The following ITGAE variants were observed in gnomAD, a reference collection of about 807,000 sequenced individuals.
ITGAE encodes integrin alpha-E.
Under a neutral mutation model 136.5 loss-of-function variants are expected in ITGAE, and 99 were observed. The ratio of observed to expected loss-of-function variants is 0.73; its 90% CI spans 0.62 to 0.86. The LOEUF (loss-of-function observed/expected upper bound fraction) is 0.86. Among genes scored for constraint, ITGAE ranks in the 40% least tolerant of loss-of-function variants. The probability of loss-of-function intolerance (pLI) is 0.00; values close to 1 mark genes in which losing one functional copy is unlikely to be tolerated. For missense variants in ITGAE, 1,447 were observed against 1,515.3 expected (o/e 0.95, Z 0.75); for synonymous variants, 613 against 591.8 (o/e 1.04, Z -0.52).
intron 21 of ITGAE, 68 bp from the exon 22 acceptor site, chr17:3,732,534 A>C (rs1597311066): frequency 1.1e-4 from 141 of 1,314,964 alleles, no homozygotes; most frequent in Non-Finnish European, 1.4e-4. Flanking sequence ...TGGTTTCCTC[A>C]CAGCAATTCA....
intron 1 of ITGAE, among the ~76,000 whole-genome samples, chr17:3,787,367 C>A (rs879277481): frequency 6.6e-6 from 1 of 152,164 alleles, no homozygotes; most frequent in African/African-American, 2.4e-5. Flanking sequence ...CCACCTCAGC[C>A]TCCCAAAGTG....
intron 19 of ITGAE, among the ~76,000 whole-genome samples, chr17:3,741,402 A>G (rs1422353996): frequency 6.6e-6 from 1 of 151,888 alleles, no homozygotes; most frequent in African/African-American, 2.4e-5. Flanking sequence ...TTGTATTTTT[A>G]ATATAGCCAC....
At chr17:3,720,800 C>T (rs2915560) in intron 28 of ITGAE, among the ~76,000 whole-genome samples, 19,390 of 152,054 alleles carry the variant, frequency 0.13, 4,115 homozygotes, top group African/African-American at 0.44. Context: ...CCAGGCTTGT[C>T]TCGAACTCCT....
chr17:3,727,557 G>C (rs1439101250), intron 26 of ITGAE, among the ~76,000 whole-genome samples: 1 of 151,866 alleles, frequency 6.6e-6, no homozygotes, highest in African/African-American at 2.4e-5. Flanking sequence ...CCGCCACCAC[G>C]CCCGGAGAAT....
At chr17:3,765,991 C>T (rs973084023) in intron 2 of ITGAE, among the ~76,000 whole-genome samples, 18 of 152,146 alleles carry the variant, frequency 1.2e-4, no homozygotes, top group African/African-American at 4.3e-4. Flanking sequence ...AATATGTTGC[C>T]TTTTATGGCA....
rs775857784 is a variant in ITGAE, at chr17:3,801,168, T to C, written c.-24A>G. ...ATCCTTGCTGGAGCAGAGGCGGCTG[T>C]GTGGGAGCCGAGGCGAGTGCGACAC... On this transcript the variant is annotated 5_prime_UTR_variant, in exon 1 of 31. Coordinates refer to ENST00000263087, the MANE Select transcript of ITGAE (RefSeq NM_002208.5). 2 of 1,608,940 alleles carry C rather than the reference T, an allele frequency of 1.2e-6. No individual in the cohort carries two copies. Among genetic ancestry groups the C allele is most frequent in the Non-Finnish European group, 8.5e-7 (1 of 1,179,890 alleles).
intron 26 of ITGAE, chr17:3,724,201 A>T: frequency 6.3e-7 from 1 of 1,593,180 alleles, no homozygotes; most frequent in Non-Finnish European, 8.5e-7. Flanking sequence ...CGAGTGCCCA[A>T]GGACCGGCCC....
intron 1 of ITGAE, among the ~76,000 whole-genome samples, chr17:3,786,577 A>G (rs1246491335): frequency 1.3e-5 from 2 of 152,178 alleles, no homozygotes; most frequent in Non-Finnish European, 2.9e-5. Flanking sequence ...ATTCCAGTAA[A>G]TCAAATCCAG....
At chr17:3,740,470 G>T (rs964511366) in intron 19 of ITGAE, among the ~76,000 whole-genome samples, 2 of 152,142 alleles carry the variant, frequency 1.3e-5, no homozygotes, top group Non-Finnish European at 2.9e-5. Flanking sequence ...TCTGCCTCCC[G>T]GATTCAAGCG....
chr17:3,724,588 C>G (rs780145506), intron 26 of ITGAE: 1 of 1,614,214 alleles, frequency 6.2e-7, no homozygotes, highest in South Asian at 1.1e-5. Context: ...GCATCTCTCC[C>G]CTGCTCCCAG....
At position 3,753,797 on chromosome 17, in the gene ITGAE, G is replaced by A; in HGVS notation, c.1513C>T (p.Leu505=). The change falls in exon 13 of 31, where the codon CTG becomes TTG. Residue 505 remains leucine, a synonymous_variant. Transcript: ENST00000263087. ...CCAGCAGGTACCTGCTCTCCCTCCA[G>A]CACTGGCAGGAAGCTGGCCTCTCTG... is the stretch of plus-strand genomic sequence containing the variant. The part of the protein sequence containing the change: ...EGREASFLPV[L]EGEQMGSYFG... The A allele has an allele frequency of 6.2e-7, 1 of 1,614,202 alleles. No homozygotes were observed. The highest frequency in any genetic ancestry group is 8.5e-7 in the Non-Finnish European group (1 of 1,180,030).
intron 3 of ITGAE, 116 bp downstream of exon 3, chr17:3,763,753 G>C: frequency 2.5e-6 from 2 of 810,062 alleles, no homozygotes; most frequent in Non-Finnish European, 4.3e-6. Context: ...TGGAGTCTAG[G>C]GGTGAACGGG....
At chr17:3,759,188 G>A (rs1054315774) in intron 8 of ITGAE, among the ~76,000 whole-genome samples, 10 of 151,416 alleles carry the variant, frequency 6.6e-5, no homozygotes, top group Non-Finnish European at 1.5e-4. Flanking sequence ...TGTCCACTGA[G>A]CACTCTGCTC....
chr17:3,786,349 G>T (rs181637651), intron 1 of ITGAE, among the ~76,000 whole-genome samples: 8 of 152,044 alleles, frequency 5.3e-5, no homozygotes, highest in African/African-American at 1.9e-4. Context: ...AGATCTCTAC[G>T]CCCAGATAGC....
intron 19 of ITGAE, among the ~76,000 whole-genome samples, chr17:3,740,524 G>A (rs1350423279): frequency 6.6e-6 from 1 of 152,178 alleles, no homozygotes; most frequent in East Asian, 1.9e-4. Flanking sequence ...TTACAGGCAT[G>A]TGCCACCACG....
intron 1 of ITGAE, among the ~76,000 whole-genome samples, chr17:3,788,233 T>A (rs2052846180): frequency 6.6e-6 from 1 of 151,658 alleles, no homozygotes; most frequent in African/African-American, 2.4e-5. Context: ...TGTTCTTAAG[T>A]TTAATGAAGT....
intron 2 of ITGAE, 104 bp downstream of exon 2, chr17:3,777,436 T>C: frequency 1.4e-6 from 2 of 1,415,246 alleles, no homozygotes; most frequent in Non-Finnish European, 1.9e-6. Flanking sequence ...GTTCCTCTCC[T>C]GACGGTGGGG....
chr17:3,719,252 A>AT (rs1555572870), intron 29 of ITGAE, among the ~76,000 whole-genome samples: 1 of 130,308 alleles, frequency 7.7e-6, no homozygotes, highest in Non-Finnish European at 1.6e-5. Flanking sequence ...AAAAAAAAAA[A>AT]AAAAGAAAAG....
intron 26 of ITGAE, chr17:3,726,001 CCCTGTCG>C: frequency 6.2e-7 from 1 of 1,613,958 alleles, no homozygotes; most frequent in East Asian, 2.2e-5. Context: ...ATTGACTACA[CCCTGTCG>C]CGCTTGGAAC....
Sources: allele counts gnomAD v4.1 joint callset (sites outside exome capture counted in the v4.1 genomes callset), GRCh38; gene constraint gnomAD v4.1.1; transcripts MANE v1.5; gene names NCBI Gene and HGNC (gene_info 2026-07-23, HGNC 2026-07-21).